ADAMTSL1: variants seen among roughly 807,000 people sequenced by gnomAD.
ADAMTSL1 encodes ADAMTS-like protein 1.
ADAMTSL1 carries 126 observed loss-of-function variants against 201.8 expected under a neutral mutation model. That is an observed-to-expected ratio of 0.62 (90% CI 0.54 to 0.72). The LOEUF is 0.72. ADAMTSL1 is among the 30% of genes least tolerant of loss of function. The pLI is 0.00. For synonymous variants in ADAMTSL1, 1,121 were observed against 903.4 expected (o/e 1.24, Z -4.32); for missense variants, 2,679 against 2,277.8 (o/e 1.18, Z -3.59).
At chr9:18,185,672 A>T (rs929667239) in intron 2 of ADAMTSL1, among the ~76,000 whole-genome samples, 3 of 152,142 alleles carry the variant, frequency 2.0e-5, no homozygotes, top group Non-Finnish European at 4.4e-5. Context: ...AGAAATTATT[A>T]AAAAAACACT....
chr9:18,541,628 A>G (rs1820154736), intron 3 of ADAMTSL1, among the ~76,000 whole-genome samples: 1 of 152,338 alleles, frequency 6.6e-6, no homozygotes, highest in Middle Eastern at 3.4e-3. Flanking sequence ...TATGTAGCAG[A>G]AAGAACATGG....
At chr9:18,713,208 C>T (rs570255120) in intron 14 of ADAMTSL1, among the ~76,000 whole-genome samples, 5 of 151,258 alleles carry the variant, frequency 3.3e-5, no homozygotes, top group African/African-American at 1.2e-4. Flanking sequence ...GCAAAATAAC[C>T]AGCTAACATC....
intron 2 of ADAMTSL1, among the ~76,000 whole-genome samples, chr9:18,345,227 T>C (rs1287697183): frequency 2.0e-5 from 3 of 151,842 alleles, no homozygotes; most frequent in African/African-American, 7.3e-5. Context: ...TTTTCCTGTT[T>C]AGAAAAAAAA....
rs368519822 is a variant in ADAMTSL1 at position 18,212,769 on chromosome 9, G to A, written c.207+48788G>A. Reference sequence around the variant, plus strand: ...GGAAGACAACTTCTAGCTCTAGGGTGCCTTTTGCCTTTTTGGTGTGGACGA... The same window carrying A: ...GGAAGACAACTTCTAGCTCTAGGGTACCTTTTGCCTTTTTGGTGTGGACGA... On this transcript the variant is annotated intron_variant, in intron 2 of 29. Transcript: ENST00000680146. 3.7e-4 allele frequency among the ~76,000 whole-genome samples: 57 copies of A among 152,254 alleles called. 1 individual carries two copies. In the East Asian group the frequency reaches 5.8e-3, roughly 15 times the overall value.
At chr9:18,349,989 A>G (rs1835893579) in intron 2 of ADAMTSL1, among the ~76,000 whole-genome samples, 1 of 151,980 alleles carries the variant, frequency 6.6e-6, no homozygotes, top group East Asian at 1.9e-4. Context: ...AGACAAAGAT[A>G]CACAAAAAAG....
At chr9:18,338,937 C>T (rs181777155) in intron 2 of ADAMTSL1, among the ~76,000 whole-genome samples, 61 of 152,248 alleles carry the variant, frequency 4.0e-4, no homozygotes, top group Admixed American at 1.2e-3. Flanking sequence ...AACCATGTTG[C>T]TGCAAAGGAC....
chr9:18,040,212 A>C (rs1367872349), intron 1 of ADAMTSL1, among the ~76,000 whole-genome samples: 1 of 152,242 alleles, frequency 6.6e-6, no homozygotes, highest in East Asian at 1.9e-4. Flanking sequence ...TGAATAAGCC[A>C]GGAAGATAAC....
At chr9:18,403,167 T>A (rs926971013) in intron 2 of ADAMTSL1, among the ~76,000 whole-genome samples, 5 of 151,948 alleles carry the variant, frequency 3.3e-5, no homozygotes, top group Admixed American at 2.0e-4. Flanking sequence ...TTTTTTTTTT[T>A]ATTTTTCCCC....
intron 2 of ADAMTSL1, among the ~76,000 whole-genome samples, chr9:18,247,420 CA>C (rs1276116876): frequency 1.3e-5 from 2 of 152,092 alleles, no homozygotes; most frequent in Non-Finnish European, 2.9e-5. Flanking sequence ...TTAACAAATA[CA>C]TATTCAGAGC....
chr9:18,638,152 A>C (rs1021425511), intron 6 of ADAMTSL1, among the ~76,000 whole-genome samples: 2 of 152,090 alleles, frequency 1.3e-5, no homozygotes, highest in African/African-American at 4.8e-5. Flanking sequence ...CTCCAGAAGA[A>C]AGTCTCCACA....
At chr9:18,310,940 A>T (rs1405787570) in intron 2 of ADAMTSL1, among the ~76,000 whole-genome samples, 1 of 152,174 alleles carries the variant, frequency 6.6e-6, no homozygotes, top group Non-Finnish European at 1.5e-5. Context: ...AATAGCAAAG[A>T]CTTGGAACCA....
At chr9:18,824,459 C>T (rs979586403) in intron 21 of ADAMTSL1, among the ~76,000 whole-genome samples, 1 of 152,188 alleles carries the variant, frequency 6.6e-6, no homozygotes, top group Non-Finnish European at 1.5e-5. Flanking sequence ...CACCCACTTT[C>T]GGTAGCCCTG....
At chr9:18,701,540 C>T (rs1464190732) in intron 13 of ADAMTSL1, among the ~76,000 whole-genome samples, 5 of 152,134 alleles carry the variant, frequency 3.3e-5, no homozygotes, top group Admixed American at 6.6e-5. Flanking sequence ...ATTTTTCTCA[C>T]ATATTATTCA....
At chr9:18,692,059 C>G (rs1326675182) in intron 13 of ADAMTSL1, among the ~76,000 whole-genome samples, 1 of 152,186 alleles carries the variant, frequency 6.6e-6, no homozygotes, top group Non-Finnish European at 1.5e-5. Context: ...ACTCAAAACT[C>G]AGCTAGTGGG....
chr9:18,199,218 C>T (rs1273193563), intron 2 of ADAMTSL1, among the ~76,000 whole-genome samples: 1 of 151,774 alleles, frequency 6.6e-6, no homozygotes, highest in African/African-American at 2.4e-5. Flanking sequence ...ATGTAACTAA[C>T]CTGCACAATG....
intron 1 of ADAMTSL1, among the ~76,000 whole-genome samples, chr9:17,924,739 A>G (rs1206522559): frequency 7.0e-6 from 1 of 142,170 alleles, no homozygotes; most frequent in Non-Finnish European, 1.5e-5. Context: ...TAGACCTAAA[A>G]CCATAAAAAC....
intron 16 of ADAMTSL1, among the ~76,000 whole-genome samples, chr9:18,769,639 C>T (rs901198662): frequency 1.3e-5 from 2 of 152,214 alleles, no homozygotes; most frequent in Admixed American, 6.5e-5. Flanking sequence ...TCAGACATCA[C>T]GTTCACATTC....
intron 13 of ADAMTSL1, among the ~76,000 whole-genome samples, chr9:18,701,955 A>G (rs1831947690): frequency 6.6e-6 from 1 of 152,196 alleles, no homozygotes. Context: ...CAATTTACAA[A>G]AGAAAGAGGT....
intron 1 of ADAMTSL1, among the ~76,000 whole-genome samples, chr9:17,962,079 C>G (rs1010993158): frequency 2.0e-5 from 3 of 152,212 alleles, no homozygotes; most frequent in Non-Finnish European, 4.4e-5. Context: ...AACAACATAG[C>G]TAGAGGTTGA....
Sources: allele counts gnomAD v4.1 joint callset (sites outside exome capture counted in the v4.1 genomes callset), GRCh38; gene constraint gnomAD v4.1.1; transcripts MANE v1.5; gene names NCBI Gene and HGNC (gene_info 2026-07-23, HGNC 2026-07-21).